PRKN: variants seen among roughly 807,000 people sequenced by gnomAD.
PRKN encodes the protein E3 ubiquitin-protein ligase parkin.
Under a neutral mutation model 59.5 loss-of-function variants are expected in PRKN, and 56 were observed. The observed-to-expected ratio is 0.94, with a 90% confidence interval of 0.76 to 1.18. PRKN has a LOEUF of 1.18. PRKN is among the 50% of genes most tolerant of loss of function. The pLI, the probability that PRKN is intolerant of heterozygous loss-of-function variation, is 0.00. For missense variants in PRKN, 657 were observed against 596.4 expected, an observed-to-expected ratio of 1.10 and a Z score of -1.06; for synonymous variants, 250 against 222.1, an observed-to-expected ratio of 1.13 and a Z score of -1.12.
chr6:162,156,415 C>G (rs1183171167), intron 4 of PRKN, among the ~76,000 whole-genome samples: 1 of 152,098 alleles, frequency 6.6e-6, no homozygotes, highest in East Asian at 1.9e-4. Flanking sequence ...CCTAAAACCT[C>G]AAAAGTAGGG....
At chr6:162,702,939 C>T (rs1010793077) in intron 1 of PRKN, among the ~76,000 whole-genome samples, 4 of 152,024 alleles carry the variant, frequency 2.6e-5, no homozygotes, top group South Asian at 2.1e-4. Context: ...TAAAGGAATA[C>T]CGAAAGCCAG....
In PRKN at chr6:161,873,944, A is replaced by ATATATATTATAT. The variant is rs1263933812; in HGVS notation, c.735-88037_735-88036insATATAATATATA. Among the ~76,000 whole-genome samples, 26 of 115,262 alleles carry ATATATATTATAT rather than the reference A, an allele frequency of 2.3e-4. 4 individuals are homozygous for ATATATATTATAT. Among genetic ancestry groups the ATATATATTATAT allele is most frequent in the African/African-American group, 9.7e-4 (26 of 26,878 alleles). 75.6% of individuals were successfully genotyped at this position (115,262 alleles called of 152,430 possible). On this transcript the variant is annotated intron_variant, in intron 6 of 11. Coordinates refer to ENST00000366898, the MANE Select transcript of PRKN (RefSeq NM_004562.3). The stretch of plus-strand genomic sequence containing the variant: ...ATATAAAATATATAATATATATAAA[A>ATATATATTATAT]GAAATATATATTATATGTAAAATAT...
At chr6:161,507,832 A>G (rs1047371035) in intron 9 of PRKN, among the ~76,000 whole-genome samples, 1 of 152,124 alleles carries the variant, frequency 6.6e-6, no homozygotes, top group African/African-American at 2.4e-5. Flanking sequence ...TCCAGCCTGA[A>G]TCACTCCCTG....
At position 162,371,651 on chromosome 6, in the gene PRKN, C is replaced by T. The variant is rs140075209; in HGVS notation, c.171+71659G>A. Among the ~76,000 whole-genome samples the T allele has an allele frequency of 1.5e-3, 230 of 152,192 alleles. 2 individuals carry two copies. Among genetic ancestry groups the T allele is most frequent in the African/African-American group, 5.2e-3 (215 of 41,532 alleles). ...ATAATAACCATTCGATAAAACTTAG[C>T]GATTATTATTTATGGCATCCATTCC... On this transcript the variant is annotated intron_variant, in intron 2 of 11. Coordinates refer to ENST00000366898, the MANE Select transcript of PRKN (RefSeq NM_004562.3).
At position 161,447,649 on chromosome 6, in the gene PRKN, A is replaced by G. The variant is rs1345863559; in HGVS notation, c.1084-60772T>C. ...GCTGGGACTACAGGCATGCACCACC[A>G]TGCCTGGCTAATTTTTTGTATTTTT... On this transcript the variant is annotated intron_variant, in intron 9 of 11. Transcript: ENST00000366898. The surrounding 1 kb of genome is among the most constrained non-coding windows in gnomAD (Gnocchi z 4.1). 1.3e-5 allele frequency among the ~76,000 whole-genome samples: 2 copies of G among 152,056 alleles called. No individual in the cohort carries two copies. The highest frequency in any genetic ancestry group is 3.9e-4 in the East Asian group (2 of 5,174).
At chr6:162,305,721 G>A (rs914149829) in intron 2 of PRKN, among the ~76,000 whole-genome samples, 1 of 152,076 alleles carries the variant, frequency 6.6e-6, no homozygotes, top group Admixed American at 6.5e-5. Flanking sequence ...GCATTTGATT[G>A]CTGAATAAGT....
intron 6 of PRKN, among the ~76,000 whole-genome samples, chr6:161,896,897 C>T (rs941908086): frequency 2.6e-5 from 4 of 152,152 alleles, no homozygotes; most frequent in Non-Finnish European, 5.9e-5. Flanking sequence ...CAGAAGAAAA[C>T]CCGTCATTGT....
intron 7 of PRKN, among the ~76,000 whole-genome samples, chr6:161,675,359 A>G (rs1277620756): frequency 6.6e-6 from 1 of 152,178 alleles, no homozygotes; most frequent in Non-Finnish European, 1.5e-5. Flanking sequence ...ATCCTGGTGT[A>G]GTCTCCATGG....
chr6:162,375,067 T>C (rs1179727398), intron 2 of PRKN, among the ~76,000 whole-genome samples: 3 of 152,160 alleles, frequency 2.0e-5, no homozygotes, highest in Non-Finnish European at 4.4e-5. Flanking sequence ...AATTTAGTCT[T>C]TTGTGTAACA....
At chr6:162,563,743 G>T (rs1385192007) in intron 1 of PRKN, among the ~76,000 whole-genome samples, 3 of 152,112 alleles carry the variant, frequency 2.0e-5, no homozygotes, top group Non-Finnish European at 4.4e-5. Flanking sequence ...AAATAGCTGT[G>T]CTAAGAAAAC....
At position 161,552,787 on chromosome 6, in the gene PRKN, G is replaced by GTT. The variant is rs368591221; in HGVS notation, c.934-3786_934-3785dup. 1.4e-4 allele frequency among the ~76,000 whole-genome samples: 12 copies of GTT among 86,560 alleles called. No individual in the cohort carries two copies. The East Asian group carries it at 1.5e-3, about 11-fold the overall frequency. The allele number at this position is 86,560 out of a possible 152,430, so 56.8% of individuals were successfully genotyped here. On this transcript the variant is annotated intron_variant, in intron 8 of 11. Transcript: ENST00000366898. The surrounding 1 kb of genome is among the most constrained non-coding windows in gnomAD (Gnocchi z 4.9). ...TAAAAGACACCATGGTTTTGTTGTT[G>GTT]TTTTTGTTTTTTGTTTTTTTTTTTT...
intron 7 of PRKN, among the ~76,000 whole-genome samples, chr6:161,653,305 A>T (rs181900238): frequency 6.6e-6 from 1 of 152,344 alleles, no homozygotes; most frequent in African/African-American, 2.4e-5. Context: ...CGGAGGTTGC[A>T]GTGAGCCGAG....
At chr6:161,957,409 G>GTTGTTTTTTTTT (rs1562418017) in intron 6 of PRKN, among the ~76,000 whole-genome samples, 2 of 127,394 alleles carry the variant, frequency 1.6e-5, no homozygotes, top group Non-Finnish European at 3.3e-5. Context: ...TGTTCTTGTT[G>GTTGTTTTTTTTT]TTTTTTTTTT....
At chr6:162,662,266 CT>C (rs765923082) in intron 1 of PRKN, among the ~76,000 whole-genome samples, 235 of 137,592 alleles carry the variant, frequency 1.7e-3, no homozygotes, top group Non-Finnish European at 1.7e-3. Flanking sequence ...AATGAGGTTA[CT>C]TTTTTTTTTT....
chr6:162,567,219 A>T (rs1780120416), intron 1 of PRKN, among the ~76,000 whole-genome samples: 1 of 152,162 alleles, frequency 6.6e-6, no homozygotes, highest in Non-Finnish European at 1.5e-5. Flanking sequence ...CATGACAAGG[A>T]TGCCTGATGT....
chr6:161,764,647 G>C (rs768148204), intron 7 of PRKN, among the ~76,000 whole-genome samples: 3 of 152,124 alleles, frequency 2.0e-5, no homozygotes, highest in Admixed American at 6.5e-5. Flanking sequence ...ATAAAAACAG[G>C]AAACTTATTA....
intron 7 of PRKN, among the ~76,000 whole-genome samples, chr6:161,717,180 C>T (rs754084962): frequency 6.6e-6 from 1 of 152,198 alleles, no homozygotes; most frequent in East Asian, 1.9e-4. Flanking sequence ...ACAGACATTT[C>T]TTTCTTACAG....
chr6:161,926,258 C>T (rs1689453973), intron 6 of PRKN, among the ~76,000 whole-genome samples: 1 of 152,134 alleles, frequency 6.6e-6, no homozygotes, highest in African/African-American at 2.4e-5. Context: ...GAGACTCATA[C>T]TTATATACCT....
intron 10 of PRKN, among the ~76,000 whole-genome samples, chr6:161,381,847 T>C (rs1786001061): frequency 6.6e-6 from 1 of 151,866 alleles, no homozygotes; most frequent in Admixed American, 6.6e-5. Context: ...GCGCAGTGGC[T>C]CATGCCTGTA....
Sources: gnomAD v4.1 joint callset for allele counts (sites outside exome capture counted in the v4.1 genomes callset) on GRCh38, gnomAD v4.1.1 for gene constraint, Gnocchi (gnomAD v3.1) non-coding constraint, MANE v1.5 for transcripts, NCBI Gene and HGNC (gene_info 2026-07-23, HGNC 2026-07-21) for gene names.